STK33: variants seen among roughly 807,000 people sequenced by gnomAD.
STK33 encodes serine/threonine kinase 33, also known as serine/threonine-protein kinase 33.
STK33 carries 52 observed loss-of-function variants against 58.0 expected under a neutral mutation model. The ratio of observed to expected loss-of-function variants is 0.90; its 90% CI spans 0.72 to 1.13. STK33 has a LOEUF of 1.13. Among genes scored for constraint, STK33 ranks in the 50% most tolerant of loss-of-function variants. The probability of loss-of-function intolerance (pLI) is 0.00; values close to 1 mark genes in which losing one functional copy is unlikely to be tolerated. For missense variants in STK33, 630 were observed against 604.2 expected (o/e 1.04, Z -0.45); for synonymous variants, 215 against 200.1 (o/e 1.07, Z -0.63).
At chr11:8,540,918 T>A (rs34079416) in intron 1 of STK33, among the ~76,000 whole-genome samples, 9,972 of 151,974 alleles carry the variant, frequency 0.066, 455 homozygotes, top group Middle Eastern at 0.11. Context: ...AAAGTAATTA[T>A]GTGAGATGAG....
the STK33 span, among the ~76,000 whole-genome samples, chr11:8,354,516 A>ACACACACACACACACCCC: frequency 7.8e-6 from 1 of 127,658 alleles, no homozygotes; most frequent in African/African-American, 2.8e-5. Flanking sequence ...ACACACACAC[A>ACACACACACACACACCCC]CCCCTCAGAC....
chr11:8,589,269 T>TCATCAA (rs2032215357), intron 1 of STK33, among the ~76,000 whole-genome samples: 1 of 152,018 alleles, frequency 6.6e-6, no homozygotes, highest in African/African-American at 2.4e-5. Flanking sequence ...ACCCAAATGG[T>TCATCAA]CATCAACTGA....
downstream of STK33, among the ~76,000 whole-genome samples, chr11:8,390,884 A>T (rs1848611462): frequency 6.6e-6 from 1 of 151,790 alleles, no homozygotes; most frequent in Admixed American, 6.5e-5. Context: ...TTCTAATCCC[A>T]AAAGAATATC....
At chr11:8,493,017 C>T (rs1368391090) in intron 1 of STK33, among the ~76,000 whole-genome samples, 7 of 152,018 alleles carry the variant, frequency 4.6e-5, no homozygotes, top group Admixed American at 3.9e-4. Flanking sequence ...AATTGACACC[C>T]TAACATTACA....
intron 15 of STK33, among the ~76,000 whole-genome samples, chr11:8,406,963 T>G (rs945914770): frequency 7.1e-6 from 1 of 141,122 alleles, no homozygotes; most frequent in African/African-American, 2.7e-5. Context: ...AGAATGATAC[T>G]AATTGTAGTT....
chr11:8,517,576 A>T (rs548665998), intron 1 of STK33, among the ~76,000 whole-genome samples: 1 of 152,198 alleles, frequency 6.6e-6, no homozygotes, highest in African/African-American at 2.4e-5. Context: ...CATTGCAAAG[A>T]AGCTAAAAAC....
At chr11:8,466,021 A>G (rs1046532595) in intron 6 of STK33, 1 of 152,180 alleles carries the variant, frequency 6.6e-6, no homozygotes, top group Admixed American at 6.5e-5. Context: ...CCCATTCACT[A>G]TCATTAGAAC....
intron 1 of STK33, among the ~76,000 whole-genome samples, chr11:8,527,226 T>A (rs981018353): frequency 6.6e-6 from 1 of 152,138 alleles, no homozygotes; most frequent in African/African-American, 2.4e-5. Flanking sequence ...TCCGCCCACC[T>A]TGACCTCCCA....
At chr11:8,340,591 C>T in the STK33 span, among the ~76,000 whole-genome samples, 2 of 152,122 alleles carry the variant, frequency 1.3e-5, no homozygotes, top group African/African-American at 4.8e-5. Flanking sequence ...GTCCCAGGTA[C>T]AATGCAGGCC....
intron 14 of STK33, among the ~76,000 whole-genome samples, chr11:8,433,288 A>G (rs1321228490): frequency 6.6e-6 from 1 of 152,236 alleles, no homozygotes; most frequent in Non-Finnish European, 1.5e-5. Flanking sequence ...ATGATTAGAA[A>G]TTGCCAAAGG....
At chr11:8,400,004 G>T (rs552056418) in intron 15 of STK33, among the ~76,000 whole-genome samples, 1,705 of 152,186 alleles carry the variant, frequency 0.011, 39 homozygotes, top group African/African-American at 0.037. Context: ...AAAAGTCCAG[G>T]ACCAGATGGA....
intron 12 of STK33, among the ~76,000 whole-genome samples, chr11:8,436,548 A>G (rs1944089502): frequency 6.6e-6 from 1 of 152,206 alleles, no homozygotes; most frequent in Non-Finnish European, 1.5e-5. Flanking sequence ...TAAGGAACAT[A>G]ATGCAAATTG....
intron 15 of STK33, among the ~76,000 whole-genome samples, chr11:8,401,417 T>C (rs895468883): frequency 3.3e-5 from 5 of 152,302 alleles, no homozygotes; most frequent in African/African-American, 1.2e-4. Flanking sequence ...GTTAGCCATA[T>C]GTAGAAAGCT....
chr11:8,392,524 T>G lies in STK33; in HGVS notation c.1531A>C (p.Lys511Gln), dbSNP rs1221682977. ...TGGAGGGAACCTTAGAGTTTCTTTT[T>G]GGTTCTGGACAGGGCGCCGGATTTA... ...PAKSGALSRT[K>Q]KKL is the part of the protein sequence containing the mutation. The change falls in exon 16 of 16, where the codon AAA becomes CAA. Residue 511 changes from lysine to glutamine, a missense_variant. Coordinates refer to ENST00000687296, the MANE Select transcript of STK33 (RefSeq NM_001352389.2). 5 of 1,614,166 alleles carry G rather than the reference T, an allele frequency of 3.1e-6. No individual in the cohort carries two copies. In the African/African-American group the frequency reaches 4.0e-5, roughly 13 times the overall value.
chr11:8,572,848 G>C (rs974101274), intron 1 of STK33, among the ~76,000 whole-genome samples: 2 of 151,816 alleles, frequency 1.3e-5, no homozygotes, highest in Admixed American at 6.6e-5. Flanking sequence ...ATCAGTAAAG[G>C]CATAGTAATA....
intron 12 of STK33, among the ~76,000 whole-genome samples, chr11:8,438,466 T>C (rs1489045639): frequency 6.6e-6 from 1 of 152,094 alleles, no homozygotes; most frequent in Non-Finnish European, 1.5e-5. Context: ...ATAAACCCCC[T>C]GGAGAAGGTA....
chr11:8,375,280 T>C, the STK33 span, among the ~76,000 whole-genome samples: 3 of 152,246 alleles, frequency 2.0e-5, no homozygotes, highest in African/African-American at 7.2e-5. Context: ...GTTTCCAATG[T>C]ACATCTTTCT....
chr11:8,511,610 G>A (rs1952331642), intron 1 of STK33, among the ~76,000 whole-genome samples: 1 of 152,054 alleles, frequency 6.6e-6, no homozygotes, highest in African/African-American at 2.4e-5. Flanking sequence ...TGGTGGCTGT[G>A]GTTTTGTCAT....
chr11:8,377,984 C>A, the STK33 span, among the ~76,000 whole-genome samples: 2 of 152,186 alleles, frequency 1.3e-5, no homozygotes, highest in Non-Finnish European at 2.9e-5. Flanking sequence ...ACATCCCAAG[C>A]TCATGAACTA....
Sources: allele counts gnomAD v4.1 joint callset (sites outside exome capture counted in the v4.1 genomes callset), GRCh38; gene constraint gnomAD v4.1.1; transcripts MANE v1.5; gene names NCBI Gene and HGNC (gene_info 2026-07-23, HGNC 2026-07-21).